The following SEMA6D variants were observed in gnomAD, a reference collection of about 807,000 sequenced individuals.
SEMA6D encodes the protein semaphorin 6D.
A neutral mutation model predicts 106.6 loss-of-function variants in SEMA6D; 35 were observed. The observed-to-expected ratio is 0.33, with a 90% CI of 0.25 to 0.44. SEMA6D has a LOEUF of 0.44. Ranked by LOEUF, SEMA6D falls within the 20% of genes least tolerant of loss-of-function variation. The pLI is 1.00. For missense variants in SEMA6D, 1,185 were observed against 1,345.9 expected (o/e 0.88, Z 1.87); for synonymous variants, 499 against 487.7 (o/e 1.02, Z -0.31).
intron 1 of SEMA6D, among the ~76,000 whole-genome samples, chr15:47,755,953 T>G (rs2081703462): frequency 6.6e-6 from 1 of 151,954 alleles, no homozygotes. Flanking sequence ...CTAAGCTCCA[T>G]GTACCTCCCT....
intron 4 of SEMA6D, among the ~76,000 whole-genome samples, chr15:47,664,325 T>C (rs2077983494): frequency 6.6e-6 from 1 of 152,200 alleles, no homozygotes; most frequent in Admixed American, 6.5e-5. Flanking sequence ...ACCTATATAA[T>C]AACTGAGCTC....
chr15:47,596,260 A>T lies in SEMA6D; in HGVS notation c.-86-4605A>T, dbSNP rs115931306. Reference sequence around the variant, plus strand: ...TGAAAGATCTCTACAATGAAAACGTAGAACATCGATAAAAGAAACTGAAGA... The same window carrying T: ...TGAAAGATCTCTACAATGAAAACGTTGAACATCGATAAAAGAAACTGAAGA... On this transcript the variant is annotated intron_variant, in intron 3 of 19. Transcript: ENST00000558014. Among the ~76,000 whole-genome samples, 779 of 152,226 alleles carry T rather than the reference A, an allele frequency of 5.1e-3. 3 individuals are homozygous for T. The highest frequency in any genetic ancestry group is 0.017 in the African/African-American group (718 of 41,572).
chr15:47,329,939 C>T (rs901300971), intron 1 of SEMA6D, among the ~76,000 whole-genome samples: 4 of 152,192 alleles, frequency 2.6e-5, no homozygotes, highest in Admixed American at 2.6e-4. Context: ...GATCAGCTTC[C>T]TGCCTCCAGG....
intron 1 of SEMA6D, among the ~76,000 whole-genome samples, chr15:47,250,390 GAGAA>G (rs921101288): frequency 1.3e-5 from 2 of 151,292 alleles, no homozygotes; most frequent in African/African-American, 2.4e-5. Flanking sequence ...AAGAGAAAAA[GAGAA>G]AGAGAAAGAA....
At chr15:47,493,213 G>A (rs781255242) in intron 3 of SEMA6D, among the ~76,000 whole-genome samples, 6 of 152,152 alleles carry the variant, frequency 3.9e-5, no homozygotes, top group Non-Finnish European at 5.9e-5. Context: ...ATCAGCATAA[G>A]GCACAGGTGA....
intron 3 of SEMA6D, among the ~76,000 whole-genome samples, chr15:47,523,192 G>A (rs889827615): frequency 3.3e-5 from 5 of 152,180 alleles, no homozygotes; most frequent in African/African-American, 1.2e-4. Context: ...TCTCTGCCAG[G>A]CATTGGGAAG....
intron 4 of SEMA6D, among the ~76,000 whole-genome samples, chr15:47,664,352 A>T (rs1451818490): frequency 2.6e-5 from 4 of 152,176 alleles, no homozygotes; most frequent in Non-Finnish European, 1.5e-5. Context: ...TAGAATATTT[A>T]ATGAGCTCTT....
At chr15:47,330,163 CTT>C in intron 1 of SEMA6D, among the ~76,000 whole-genome samples, 1 of 152,268 alleles carries the variant, frequency 6.6e-6, no homozygotes, top group East Asian at 1.9e-4. Context: ...CCATTTTGCT[CTT>C]CTTTTTTTCT....
intron 4 of SEMA6D, among the ~76,000 whole-genome samples, chr15:47,667,295 T>G (rs2078047045): frequency 6.6e-6 from 1 of 152,214 alleles, no homozygotes; most frequent in Admixed American, 6.5e-5. Context: ...ACTAAGTAAT[T>G]GTACATAACA....
intron 1 of SEMA6D, among the ~76,000 whole-genome samples, chr15:47,241,724 C>T (rs1463895719): frequency 6.6e-6 from 1 of 151,598 alleles, no homozygotes; most frequent in African/African-American, 2.4e-5. Context: ...TCTTAAAAAT[C>T]AACCTGTGAA....
chr15:47,696,522 C>T (rs1212841287), intron 4 of SEMA6D, among the ~76,000 whole-genome samples: 3 of 152,164 alleles, frequency 2.0e-5, no homozygotes, highest in Admixed American at 6.5e-5. Flanking sequence ...GGCAAAAGCC[C>T]CTAGTGACTT....
chr15:47,300,385 C>T (rs535105470), intron 1 of SEMA6D, among the ~76,000 whole-genome samples: 2 of 150,378 alleles, frequency 1.3e-5, no homozygotes, highest in East Asian at 2.0e-4. Context: ...AGTTAAAACA[C>T]GTATTGAGTG....
At chr15:47,236,324 C>T (rs955060955) in intron 1 of SEMA6D, among the ~76,000 whole-genome samples, 1 of 151,988 alleles carries the variant, frequency 6.6e-6, no homozygotes, top group African/African-American at 2.4e-5. Context: ...TTTAGTCTGG[C>T]CAGAAGAAAG....
chr15:47,454,585 A>T (rs2042288348), intron 2 of SEMA6D, among the ~76,000 whole-genome samples: 1 of 127,100 alleles, frequency 7.9e-6, no homozygotes, highest in Non-Finnish European at 1.6e-5. Flanking sequence ...AGAGTTTACC[A>T]TCCTTGCACA....
chr15:47,720,198 G>T (rs896473117), intron 1 of SEMA6D, among the ~76,000 whole-genome samples: 36 of 150,492 alleles, frequency 2.4e-4, no homozygotes, highest in African/African-American at 8.1e-4. Flanking sequence ...ATTTCTTACT[G>T]CATCCTACAG....
intron 2 of SEMA6D, among the ~76,000 whole-genome samples, chr15:47,437,010 A>G (rs2041736187): frequency 7.6e-6 from 1 of 131,222 alleles, no homozygotes; most frequent in Admixed American, 7.6e-5. Flanking sequence ...GGGGAGGGAA[A>G]GAAAAGAAAG....
intron 2 of SEMA6D, among the ~76,000 whole-genome samples, chr15:47,467,660 C>G (rs2042705267): frequency 6.6e-6 from 1 of 152,130 alleles, no homozygotes; most frequent in African/African-American, 2.4e-5. Flanking sequence ...AGCTGTTTCT[C>G]TCTTTTTTAC....
intron 3 of SEMA6D, among the ~76,000 whole-genome samples, chr15:47,476,144 A>G (rs1333650085): frequency 6.6e-6 from 1 of 152,202 alleles, no homozygotes. Flanking sequence ...AGAACTCTGT[A>G]TTTGAGGTGC....
chr15:47,214,947 T>C (rs1009431129), intron 1 of SEMA6D, among the ~76,000 whole-genome samples: 5 of 151,882 alleles, frequency 3.3e-5, no homozygotes, highest in Non-Finnish European at 5.9e-5. Context: ...TTGTTCTTTC[T>C]TTGCTGACAG....
Sources: allele counts gnomAD v4.1 joint callset (sites outside exome capture counted in the v4.1 genomes callset), GRCh38; gene constraint gnomAD v4.1.1; transcripts MANE v1.5; gene names NCBI Gene and HGNC (gene_info 2026-07-23, HGNC 2026-07-21).